The following OSBPL6 variants were observed in gnomAD, a reference collection of about 807,000 sequenced individuals.
OSBPL6 encodes oxysterol binding protein like 6, also known as oxysterol-binding protein-related protein 6.
Under a neutral mutation model 125.8 loss-of-function variants are expected in OSBPL6, and 49 were observed. The observed-to-expected ratio is 0.39, with a 90% CI of 0.31 to 0.49. The LOEUF (loss-of-function observed/expected upper bound fraction) is 0.49. Among genes scored for constraint, OSBPL6 ranks in the 20% least tolerant of loss-of-function variants. The pLI is 0.88. For synonymous variants in OSBPL6, 394 were observed against 391.8 expected, an observed-to-expected ratio of 1.01 and a Z score of -0.07; for missense variants, 986 against 1,135.4, an observed-to-expected ratio of 0.87 and a Z score of 1.89.
rs1377124039 is a variant in OSBPL6, at chr2:178,263,882, G to T, written c.-350-21045G>T. On this transcript the variant is annotated intron_variant, in intron 1 of 24. Coordinates refer to ENST00000190611, the MANE Select transcript of OSBPL6 (RefSeq NM_032523.4). ...GAAAATTCTCAGTATTTTCTAAAAT[G>T]ATGATGATAAATTTAAAACTGCCTC... Among the ~76,000 whole-genome samples the T allele has an allele frequency of 2.0e-5, 3 of 151,756 alleles. No individual in the cohort carries two copies. In the East Asian group the frequency reaches 5.8e-4, roughly 30 times the overall value.
At chr2:178,245,104 CGTGTCTTTCGTTGATAGTGG>C (rs2091443126) in intron 1 of OSBPL6, among the ~76,000 whole-genome samples, 1 of 152,124 alleles carries the variant, frequency 6.6e-6, no homozygotes, top group African/African-American at 2.4e-5. Flanking sequence ...AGAACTCAAG[CGTGTCTTTCGTTGATAGTGG>C]GTTTCCACCA....
At chr2:178,388,244 C>G (rs1312936575) in intron 20 of OSBPL6, among the ~76,000 whole-genome samples, 1 of 152,160 alleles carries the variant, frequency 6.6e-6, no homozygotes, top group Admixed American at 6.5e-5. Context: ...TTTGTGCCAT[C>G]TTAGTATGCT....
At chr2:178,277,732 A>G (rs1405644665) in intron 1 of OSBPL6, among the ~76,000 whole-genome samples, 1 of 152,222 alleles carries the variant, frequency 6.6e-6, no homozygotes, top group African/African-American at 2.4e-5. Context: ...GAGGCTGTCT[A>G]GGTTCACCTT....
rs185657846 is a variant in OSBPL6, at chr2:178,196,402, T to C, written c.-351+1728T>C. 2.8e-3 allele frequency among the ~76,000 whole-genome samples: 426 copies of C among 152,334 alleles called. 2 individuals are homozygous for C. The highest frequency in any genetic ancestry group is 0.01 in the Middle Eastern group (3 of 292). Reference sequence around the variant, plus strand: ...AAAAATTCTGGTTTTGCTCATATTTTTGGATGCAATGTTGATAACGCCATT... The same window carrying C: ...AAAAATTCTGGTTTTGCTCATATTTCTGGATGCAATGTTGATAACGCCATT... On this transcript the variant is annotated intron_variant, in intron 1 of 24. Coordinates refer to ENST00000190611, the MANE Select transcript of OSBPL6 (RefSeq NM_032523.4).
chr2:178,215,040 A>ATCAACTTTG (rs1371649865), intron 1 of OSBPL6, among the ~76,000 whole-genome samples: 4 of 152,198 alleles, frequency 2.6e-5, no homozygotes, highest in African/African-American at 9.6e-5. Context: ...GACACATAAA[A>ATCAACTTTG]TTGACCATCA....
At chr2:178,362,381 A>T (rs903726099) in intron 13 of OSBPL6, among the ~76,000 whole-genome samples, 3 of 152,186 alleles carry the variant, frequency 2.0e-5, no homozygotes. Flanking sequence ...TATTAATACT[A>T]ATCAAATCCC....
At chr2:178,386,683 A>G (rs1005491050) in intron 19 of OSBPL6, among the ~76,000 whole-genome samples, 1 of 151,770 alleles carries the variant, frequency 6.6e-6, no homozygotes, top group African/African-American at 2.4e-5. Context: ...AAAGCACAGT[A>G]GAGTCTATGT....
rs746486271 is a variant in OSBPL6, at chr2:178,361,777, A to G, written c.1249A>G (p.Ser417Gly). 3.2e-5 allele frequency: 51 copies of G among 1,614,068 alleles called. No individual in the cohort carries two copies. In the South Asian group the frequency reaches 5.0e-4, roughly 16 times the overall value. ...VSEQDHSKGH[S>G]TQMARLRQSL... is the part of the protein sequence containing the mutation. The stretch of plus-strand genomic sequence containing the variant: ...CGAGCAGGATCACAGTAAAGGCCAC[A>G]GCACGCAGATGGCACGGCTCCGACA... Residue 417 changes from serine (S) to glycine (G), a missense_variant, in exon 13 of 25, where the codon AGC becomes GGC. Around this residue, in one of 3 missense-constraint regions of OSBPL6, gnomAD observed 843 missense variants for 997.3 expected, o/e 0.85. Transcript: ENST00000190611.
intron 1 of OSBPL6, among the ~76,000 whole-genome samples, chr2:178,215,917 C>T (rs754410135): frequency 2.6e-5 from 4 of 152,072 alleles, no homozygotes; most frequent in South Asian, 4.2e-4. Flanking sequence ...GGGTCTGGTG[C>T]GTGACACACA....
At chr2:178,344,905 A>G (rs1029043044) in intron 11 of OSBPL6, among the ~76,000 whole-genome samples, 8 of 152,194 alleles carry the variant, frequency 5.3e-5, no homozygotes, top group Non-Finnish European at 8.8e-5. Flanking sequence ...TGAAAAGAAT[A>G]TTGACATGAA....
intron 1 of OSBPL6, among the ~76,000 whole-genome samples, chr2:178,249,582 A>G (rs1210919716): frequency 1.3e-5 from 2 of 152,170 alleles, no homozygotes; most frequent in African/African-American, 4.8e-5. Context: ...AATGTACAGA[A>G]ACCTTTTTCT....
intron 3 of OSBPL6, among the ~76,000 whole-genome samples, chr2:178,309,025 T>C (rs1687027426): frequency 6.6e-6 from 1 of 152,064 alleles, no homozygotes; most frequent in Non-Finnish European, 1.5e-5. Flanking sequence ...TGTTCCATTT[T>C]CCTCCCAACC....
chr2:178,230,106 G>A (rs765200686), intron 1 of OSBPL6, among the ~76,000 whole-genome samples: 2 of 152,188 alleles, frequency 1.3e-5, no homozygotes, highest in African/African-American at 2.4e-5. Flanking sequence ...TGGGTGCTGG[G>A]GAGAGGCGAC....
intron 1 of OSBPL6, among the ~76,000 whole-genome samples, chr2:178,201,801 T>C (rs2089272975): frequency 6.6e-6 from 1 of 152,250 alleles, no homozygotes; most frequent in African/African-American, 2.4e-5. Context: ...GAAAAAATAC[T>C]GACAGGGACC....
At chr2:178,275,737 GAA>G (rs35274125) in intron 1 of OSBPL6, among the ~76,000 whole-genome samples, 5 of 148,626 alleles carry the variant, frequency 3.4e-5, no homozygotes, top group Middle Eastern at 3.5e-3. Context: ...AAAAAAGAGG[GAA>G]AAAAAAAAAG....
chr2:178,223,443 T>C (rs76923228), intron 1 of OSBPL6, among the ~76,000 whole-genome samples: 2,010 of 152,334 alleles, frequency 0.013, 37 homozygotes, highest in African/African-American at 0.046. Flanking sequence ...GATTCAAATC[T>C]TGATTGAGAT....
chr2:178,279,155 A>G (rs2092527989), intron 1 of OSBPL6, among the ~76,000 whole-genome samples: 1 of 152,180 alleles, frequency 6.6e-6, no homozygotes, highest in South Asian at 2.1e-4. Flanking sequence ...GGTTTGCTTA[A>G]TCTTGTCTCC....
At chr2:178,276,021 TAA>T (rs1186437946) in intron 1 of OSBPL6, among the ~76,000 whole-genome samples, 1 of 152,208 alleles carries the variant, frequency 6.6e-6, no homozygotes, top group African/African-American at 2.4e-5. Context: ...GTAATTGAGT[TAA>T]GATAGTTTTT....
chr2:178,328,225 C>T (rs1688867861), intron 4 of OSBPL6, 31 bp from the exon 5 acceptor site: 62 of 1,611,664 alleles, frequency 3.8e-5, no homozygotes, highest in Non-Finnish European at 4.9e-5. Context: ...CACTGAGTAA[C>T]ATGTGATTTG....
Sources: allele counts gnomAD v4.1 joint callset (sites outside exome capture counted in the v4.1 genomes callset), GRCh38; gene constraint gnomAD v4.1.1; regional missense constraint gnomAD v4.1.1; transcripts MANE v1.5; gene names NCBI Gene and HGNC (gene_info 2026-07-23, HGNC 2026-07-21).